Variants in FOCAD observed in about 807,000 individuals in gnomAD.
FOCAD encodes the protein KIAA1797.
In FOCAD, 198 loss-of-function variants were observed where a neutral mutation model predicts 225.6. The ratio of observed to expected loss-of-function variants is 0.88; its 90% CI spans 0.78 to 0.99. The LOEUF (loss-of-function observed/expected upper bound fraction) is 0.99. Ranked by LOEUF, FOCAD falls within the 50% of genes least tolerant of loss-of-function variation. The probability of loss-of-function intolerance (pLI) is 0.00; values close to 1 mark genes in which losing one functional copy is unlikely to be tolerated. For synonymous variants in FOCAD, 897 were observed against 755.0 expected (o/e 1.19, Z -3.08); for missense variants, 2,713 against 2,123.6 (o/e 1.28, Z -5.46).
At chr9:20,871,416 T>A (rs917430230) in intron 18 of FOCAD, among the ~76,000 whole-genome samples, 74 of 152,064 alleles carry the variant, frequency 4.9e-4, no homozygotes, top group African/African-American at 1.5e-3. Flanking sequence ...TAATATAATA[T>A]TATTGCCAAA....
At chr9:20,944,483 T>G (rs1304739848) in intron 28 of FOCAD, 144 bp from the exon 29 acceptor site, 2 of 783,880 alleles carry the variant, frequency 2.6e-6, no homozygotes, top group African/African-American at 3.5e-5. Context: ...TCATGGATGA[T>G]GGGGCACACC....
chr9:20,787,327 G>T (rs2131158209), intron 10 of FOCAD, among the ~76,000 whole-genome samples: 1 of 152,264 alleles, frequency 6.6e-6, no homozygotes, highest in South Asian at 2.1e-4. Flanking sequence ...CAGGCACTGT[G>T]CTAGGTGTTT....
At chr9:20,896,563 A>G (rs557894261) in intron 21 of FOCAD, among the ~76,000 whole-genome samples, 110 of 152,018 alleles carry the variant, frequency 7.2e-4, no homozygotes, top group African/African-American at 2.4e-3. Flanking sequence ...TTCAAATAAT[A>G]TATCTTTTTT....
intron 42 of FOCAD, among the ~76,000 whole-genome samples, chr9:20,991,236 A>T (rs1173256947): frequency 6.6e-6 from 1 of 152,186 alleles, no homozygotes; most frequent in Non-Finnish European, 1.5e-5. Context: ...ACTTCTCATT[A>T]TATGTTTCTG....
intron 1 of FOCAD, among the ~76,000 whole-genome samples, chr9:20,690,132 G>A (rs945740561): frequency 6.6e-6 from 1 of 152,186 alleles, no homozygotes; most frequent in African/African-American, 2.4e-5. Context: ...ATGAATGTGG[G>A]AGATTGGCAT....
At chr9:20,774,328 G>A (rs1272420422) in intron 8 of FOCAD, among the ~76,000 whole-genome samples, 1 of 152,184 alleles carries the variant, frequency 6.6e-6, no homozygotes, top group Non-Finnish European at 1.5e-5. Flanking sequence ...TCATCAAGAG[G>A]CACAATGTGT....
At chr9:20,994,066 C>A (rs1841882590) in intron 43 of FOCAD, among the ~76,000 whole-genome samples, 1 of 152,128 alleles carries the variant, frequency 6.6e-6, no homozygotes, top group Non-Finnish European at 1.5e-5. Flanking sequence ...TCAAATACTG[C>A]CTTTTTAATT....
At chr9:20,929,664 T>G in intron 27 of FOCAD, 68 bp downstream of exon 27, 1 of 1,266,922 alleles carries the variant, frequency 7.9e-7, no homozygotes, top group Non-Finnish European at 1.1e-6. Flanking sequence ...TGCACCCATA[T>G]GCACCTATAT....
chr9:20,778,664 C>A lies in FOCAD; in HGVS notation c.907-17C>A. On this transcript the variant is annotated splice_polypyrimidine_tract_variant and intron_variant, in intron 8 of 43. Transcript: ENST00000338382. ...GAACTTCTTTAACAACTCCTTTTTC[C>A]CCCTCTATTCTTTTAGGATTTTCCT... 3.4e-6 allele frequency: 5 copies of A among 1,461,078 alleles called. No individual in the cohort carries two copies. Among genetic ancestry groups the A allele is most frequent in the Non-Finnish European group, 4.8e-6 (5 of 1,043,996 alleles). The allele number at this position is 1,461,078 out of a possible 1,614,324, so 90.5% of individuals were successfully genotyped here. A position where few individuals can be genotyped will look rare whatever the true frequency, so the allele number is the denominator to read the frequency against.
chr9:20,920,666 A>T (rs1043373691), intron 24 of FOCAD, among the ~76,000 whole-genome samples: 1 of 151,526 alleles, frequency 6.6e-6, no homozygotes, highest in Non-Finnish European at 1.5e-5. Context: ...CTTTGTAGGG[A>T]CATGGATGAA....
chr9:20,874,973 A>G (rs1830115294), intron 19 of FOCAD, 166 bp downstream of exon 19: 1 of 851,602 alleles, frequency 1.2e-6, no homozygotes, highest in Non-Finnish European at 1.8e-6. Flanking sequence ...TTGAGGTAGT[A>G]TGGTGTTTAA....
chr9:20,728,314 T>C (rs1826385175), intron 4 of FOCAD, among the ~76,000 whole-genome samples: 1 of 152,138 alleles, frequency 6.6e-6, no homozygotes, highest in Non-Finnish European at 1.5e-5. Context: ...TAGACCCAAG[T>C]CTAAACACAA....
chr9:20,923,489 G>C (rs1487574339), intron 24 of FOCAD, among the ~76,000 whole-genome samples, 171 bp from the exon 25 acceptor site: 1 of 152,180 alleles, frequency 6.6e-6, no homozygotes, highest in Non-Finnish European at 1.5e-5. Flanking sequence ...TCTAGAGTCA[G>C]AAGGAAGGAA....
At chr9:20,718,840 A>G (rs1366584192) in intron 3 of FOCAD, among the ~76,000 whole-genome samples, 1 of 152,196 alleles carries the variant, frequency 6.6e-6, no homozygotes, top group Non-Finnish European at 1.5e-5. Context: ...CTGAGGCAGC[A>G]GTTTATTTAT....
chr9:20,882,188 C>T, intron 20 of FOCAD, 132 bp downstream of exon 20: 1 of 770,480 alleles, frequency 1.3e-6, no homozygotes, highest in Non-Finnish European at 2.1e-6. Context: ...TTATAAAAAT[C>T]ATCGCACTTT....
At chr9:20,798,293 T>C (rs1821366472) in intron 11 of FOCAD, among the ~76,000 whole-genome samples, 1 of 152,224 alleles carries the variant, frequency 6.6e-6, no homozygotes, top group Admixed American at 6.5e-5. Context: ...ATCAGGGATA[T>C]TGGTCTAAAA....
rs530303303 is a variant in FOCAD at position 20,937,310 on chromosome 9, G to A, written c.3407+4207G>A. On this transcript the variant is annotated intron_variant, in intron 28 of 43. Transcript: ENST00000338382. Reference sequence around the variant, plus strand: ...AAAAGAACAAAGCTGGAGGCATCACGCTACCTGACTTCAAACTATACTACA... The same window carrying A: ...AAAAGAACAAAGCTGGAGGCATCACACTACCTGACTTCAAACTATACTACA... 2.5e-3 allele frequency among the ~76,000 whole-genome samples: 374 copies of A among 150,808 alleles called. 1 individual carries two copies. Among genetic ancestry groups the A allele is most frequent in the Middle Eastern group, 0.017 (5 of 292 alleles).
At chr9:20,761,974 C>T (rs1829643767) in intron 6 of FOCAD, among the ~76,000 whole-genome samples, 1 of 152,068 alleles carries the variant, frequency 6.6e-6, no homozygotes, top group Non-Finnish European at 1.5e-5. Context: ...AAAATCAGAA[C>T]AGATTAAGCC....
intron 5 of FOCAD, among the ~76,000 whole-genome samples, chr9:20,746,030 C>A (rs1006947468): frequency 1.3e-5 from 2 of 152,040 alleles, no homozygotes; most frequent in African/African-American, 4.8e-5. Flanking sequence ...TGGTTTATTT[C>A]CTTATCACTG....
Sources: gnomAD v4.1 joint callset for allele counts (sites outside exome capture counted in the v4.1 genomes callset) on GRCh38, gnomAD v4.1.1 for gene constraint, MANE v1.5 for transcripts, NCBI Gene and HGNC (gene_info 2026-07-23, HGNC 2026-07-21) for gene names.